The following LAMC3 variants were observed in gnomAD, a reference collection of about 807,000 sequenced individuals.
The protein encoded by LAMC3 is laminin subunit gamma-3.
Under a neutral mutation model 173.8 loss-of-function variants are expected in LAMC3, and 128 were observed. The observed-to-expected ratio is 0.74, with a 90% CI of 0.64 to 0.85. The LOEUF (loss-of-function observed/expected upper bound fraction) is 0.85. Ranked by LOEUF, LAMC3 falls within the 40% of genes least tolerant of loss-of-function variation. The pLI is 0.00. For synonymous variants in LAMC3, 897 were observed against 909.1 expected, an observed-to-expected ratio of 0.99 and a Z score of 0.24; for missense variants, 2,022 against 2,156.0, an observed-to-expected ratio of 0.94 and a Z score of 1.23.
At chr9:131,010,109 G>A (rs940520872) in intron 1 of LAMC3, among the ~76,000 whole-genome samples, 6 of 135,264 alleles carry the variant, frequency 4.4e-5, no homozygotes, top group South Asian at 2.4e-4. Context: ...AGCCGAGGTC[G>A]CACCACCGTT....
intron 13 of LAMC3, among the ~76,000 whole-genome samples, 157 bp downstream of exon 13, chr9:131,061,380 G>A (rs1486882093): frequency 1.3e-5 from 2 of 152,224 alleles, no homozygotes; most frequent in East Asian, 3.8e-4. Flanking sequence ...TGAGGACACG[G>A]AATCCCTCAG....
chr9:131,090,722 C>G (rs892872312), intron 27 of LAMC3, among the ~76,000 whole-genome samples: 9 of 152,088 alleles, frequency 5.9e-5, no homozygotes, highest in Admixed American at 5.9e-4. Context: ...GAAACCCTGT[C>G]TCTACAAAAA....
intron 17 of LAMC3, among the ~76,000 whole-genome samples, chr9:131,070,086 GCCTTTCCCCA>G (rs1286478626): frequency 6.6e-6 from 1 of 152,202 alleles, no homozygotes. Context: ...CTTGTCACCT[GCCTTTCCCCA>G]CCACGCCAGG....
rs190915944 is a variant in LAMC3 at position 131,086,342 on chromosome 9, T to C, written c.4230+619T>C. Among the ~76,000 whole-genome samples the C allele has an allele frequency of 1.3e-4, 19 of 151,750 alleles. No individual in the cohort carries two copies. The East Asian group carries it at 3.1e-3, about 25-fold the overall frequency. On this transcript the variant is annotated intron_variant, in intron 25 of 27. Transcript: ENST00000361069. ...ATCCACCTACCTTGGCCTCCCAAAGTGCTGGGATTACAGGTGTGAGCCACT... is the reference window on the plus strand; with the variant it reads ...ATCCACCTACCTTGGCCTCCCAAAGCGCTGGGATTACAGGTGTGAGCCACT...
intron 13 of LAMC3, among the ~76,000 whole-genome samples, chr9:131,062,786 T>C (rs1054567156): frequency 6.0e-5 from 9 of 150,778 alleles, no homozygotes; most frequent in Non-Finnish European, 8.9e-5. Context: ...GGAGAATTGC[T>C]TGAACCCAGG....
intron 1 of LAMC3, among the ~76,000 whole-genome samples, chr9:131,014,740 A>G (rs562070745): frequency 6.6e-6 from 1 of 152,388 alleles, no homozygotes; most frequent in East Asian, 1.9e-4. Context: ...TGGGAGGCAG[A>G]GACGGGAAGA....
At chr9:131,028,987 G>T (rs536814558) in intron 2 of LAMC3, among the ~76,000 whole-genome samples, 49 of 152,340 alleles carry the variant, frequency 3.2e-4, no homozygotes, top group African/African-American at 1.2e-3. Flanking sequence ...TTTACTGGAG[G>T]CTGGCAGTGT....
chr9:131,085,970 C>T, intron 25 of LAMC3: 2 of 574,886 alleles, frequency 3.5e-6, no homozygotes, highest in Admixed American at 2.9e-5. Flanking sequence ...TTAACCAGGA[C>T]TTACACCTGG....
At chr9:131,063,529 C>T (rs1186487223) in intron 13 of LAMC3, among the ~76,000 whole-genome samples, 2 of 152,192 alleles carry the variant, frequency 1.3e-5, no homozygotes, top group Non-Finnish European at 2.9e-5. Flanking sequence ...CACCAGTGTC[C>T]TCTGGGCCCC....
chr9:131,027,431 A>G (rs1833741906), intron 2 of LAMC3, among the ~76,000 whole-genome samples: 2 of 152,154 alleles, frequency 1.3e-5, no homozygotes, highest in Non-Finnish European at 1.5e-5. Context: ...TGACAGGAAC[A>G]TGGGCTTTGG....
At position 131,058,608 on chromosome 9, in the gene LAMC3, C is replaced by T. The variant is rs189742914; in HGVS notation, c.2158+1461C>T. Among the ~76,000 whole-genome samples, 535 of 151,070 alleles carry T rather than the reference C, an allele frequency of 3.5e-3. 5 individuals carry two copies. Among genetic ancestry groups the T allele is most frequent in the African/African-American group, 0.012 (504 of 41,268 alleles). ...CTGGGCATTTTTCTTCCTGAAAAGA[C>T]GGTAGCCAGGCGTGGTGGCTCACAC... is the stretch of plus-strand genomic sequence containing the variant. On this transcript the variant is annotated intron_variant, in intron 12 of 27. Coordinates refer to ENST00000361069, the MANE Select transcript of LAMC3 (RefSeq NM_006059.4).
chr9:131,025,262 T>A (rs906933365), intron 1 of LAMC3, among the ~76,000 whole-genome samples: 1 of 152,154 alleles, frequency 6.6e-6, no homozygotes, highest in African/African-American at 2.4e-5. Context: ...TTTCTCTTCT[T>A]AGGCATTGCC....
At chr9:131,013,779 G>A (rs1234510907) in intron 1 of LAMC3, among the ~76,000 whole-genome samples, 2 of 152,180 alleles carry the variant, frequency 1.3e-5, no homozygotes, top group Admixed American at 6.5e-5. Context: ...CCGAGAAGAC[G>A]CTGGGGTCTG....
intron 13 of LAMC3, among the ~76,000 whole-genome samples, chr9:131,063,690 C>G (rs1313680034): frequency 6.6e-6 from 1 of 152,206 alleles, no homozygotes; most frequent in African/African-American, 2.4e-5. Context: ...TGCCTCCTGC[C>G]CTATGAGCTG....
chr9:131,025,526 T>G (rs1588139638), intron 1 of LAMC3, among the ~76,000 whole-genome samples: 1 of 150,068 alleles, frequency 6.7e-6, no homozygotes, highest in African/African-American at 2.5e-5. Context: ...AAGCTGGGGG[T>G]TCAGGGAGCA....
chr9:131,076,788 A>G (rs1258430963), intron 21 of LAMC3, among the ~76,000 whole-genome samples: 2 of 152,206 alleles, frequency 1.3e-5, no homozygotes, highest in African/African-American at 4.8e-5. Context: ...GACGTGCCCA[A>G]GGTCTCTGGA....
At chr9:131,044,116 G>C (rs529016909) in intron 7 of LAMC3, among the ~76,000 whole-genome samples, 2 of 151,660 alleles carry the variant, frequency 1.3e-5, no homozygotes, top group African/African-American at 2.4e-5. Context: ...CCACCACCAC[G>C]CCTGGCTAAT....
At chr9:131,075,684 C>A in intron 20 of LAMC3, 147 bp from the exon 21 acceptor site, 1 of 834,058 alleles carries the variant, frequency 1.2e-6, no homozygotes, top group Non-Finnish European at 1.9e-6. Context: ...AAGTGCGTAA[C>A]ACAGAAAGGT....
At chr9:131,064,358 A>G (rs915081642) in intron 13 of LAMC3, among the ~76,000 whole-genome samples, 3 of 152,236 alleles carry the variant, frequency 2.0e-5, no homozygotes, top group African/African-American at 7.2e-5. Flanking sequence ...ATAAAAATAA[A>G]TGAAAATAGA....
Sources: allele counts gnomAD v4.1 joint callset (sites outside exome capture counted in the v4.1 genomes callset), GRCh38; gene constraint gnomAD v4.1.1; transcripts MANE v1.5; gene names NCBI Gene and HGNC (gene_info 2026-07-23, HGNC 2026-07-21).